The following EIF3H variants were observed in gnomAD, a reference collection of about 807,000 sequenced individuals.
EIF3H encodes the protein eIF-3-gamma.
In EIF3H, 26 loss-of-function variants were observed where a neutral mutation model predicts 44.2. The observed-to-expected ratio is 0.59, with a 90% CI of 0.43 to 0.82. EIF3H has a LOEUF of 0.82. Among genes scored for constraint, EIF3H ranks in the 40% least tolerant of loss-of-function variants. The probability of loss-of-function intolerance (pLI) is 0.00; values close to 1 mark genes in which losing one functional copy is unlikely to be tolerated. For synonymous variants in EIF3H, 166 were observed against 151.9 expected (o/e 1.09, Z -0.68); for missense variants, 359 against 432.8 (o/e 0.83, Z 1.51).
At chr8:116,684,880 A>G (rs984924237) in intron 2 of EIF3H, among the ~76,000 whole-genome samples, 7 of 152,188 alleles carry the variant, frequency 4.6e-5, no homozygotes, top group African/African-American at 1.4e-4. Flanking sequence ...CAAGAAACTC[A>G]TATCTGCTTC....
intron 1 of EIF3H, chr8:116,737,149 C>CA: frequency 2.9e-6 from 1 of 349,458 alleles, no homozygotes; most frequent in Non-Finnish European, 5.5e-6. Context: ...TATTCTATAT[C>CA]AAAAAGCATA....
At chr8:116,695,364 C>T (rs73701458) in intron 2 of EIF3H, among the ~76,000 whole-genome samples, 4,369 of 152,264 alleles carry the variant, frequency 0.029, 199 homozygotes, top group African/African-American at 0.099. Flanking sequence ...AGAGCCACCA[C>T]GCCCACTGCT....
intron 2 of EIF3H, among the ~76,000 whole-genome samples, chr8:116,679,117 A>T (rs1344986332): frequency 2.2e-3 from 25 of 11,252 alleles, no homozygotes; most frequent in African/African-American, 3.2e-3. Flanking sequence ...GGGAGGGGGG[A>T]GGGGGGGTCA....
intron 1 of EIF3H, among the ~76,000 whole-genome samples, chr8:116,738,610 T>TA (rs1475304132): frequency 6.6e-6 from 1 of 152,206 alleles, no homozygotes; most frequent in Non-Finnish European, 1.5e-5. Context: ...TGTTCAAACT[T>TA]ACTACAATAA....
At chr8:116,733,834 C>T (rs902514084) in intron 1 of EIF3H, among the ~76,000 whole-genome samples, 2 of 151,748 alleles carry the variant, frequency 1.3e-5, no homozygotes, top group Non-Finnish European at 2.9e-5. Context: ...TTTTATAAAA[C>T]AAGGTAATTT....
In EIF3H at chr8:116,648,796, C is replaced by A; in HGVS notation, c.828+10G>T. 1 of 1,559,732 alleles carries A rather than the reference C, an allele frequency of 6.4e-7. No individual in the cohort carries two copies. The highest frequency in any genetic ancestry group is 1.4e-5 in the African/African-American group (1 of 72,898). On this transcript the variant is annotated intron_variant, in intron 6 of 7. Transcript: ENST00000521861. ...AATAGCTGTTTGTTGAATTTTTCCA[C>A]AATACCAACCTGATGTTTCTGCTGC...
At position 116,642,876 on chromosome 8, in the gene EIF3H, A is replaced by G. The variant is rs1365244737; in HGVS notation, c.*2130T>C. ...CCCACTATGATTAATTCCCAAATCA[A>G]AAATTACTGAAATCTTTCATTAAGT... On this transcript the variant is annotated 3_prime_UTR_variant, in exon 8 of 8. Coordinates refer to ENST00000521861, the MANE Select transcript of EIF3H (RefSeq NM_003756.3). 1 of 152,258 alleles carries G rather than the reference A, an allele frequency of 6.6e-6. No individual in the cohort carries two copies. The highest frequency in any genetic ancestry group is 1.5e-5 in the Non-Finnish European group (1 of 68,046). 9.4% of individuals were successfully genotyped at this position (152,258 alleles called of 1,614,324 possible).
chr8:116,743,796 ATAAACACACACACACACACAC>A (rs1815178647), intron 1 of EIF3H, among the ~76,000 whole-genome samples: 3 of 98,960 alleles, frequency 3.0e-5, no homozygotes, highest in South Asian at 3.2e-4. Flanking sequence ...ATATATATAT[ATAAACACACACACACACACAC>A]ACACACACAC....
chr8:116,759,883 A>G (rs1815501306), upstream of EIF3H, among the ~76,000 whole-genome samples: 1 of 152,090 alleles, frequency 6.6e-6, no homozygotes, highest in African/African-American at 2.4e-5. Context: ...GGCACACAGC[A>G]CCACACTTGA....
intron 2 of EIF3H, among the ~76,000 whole-genome samples, chr8:116,674,901 T>A (rs902148662): frequency 9.9e-5 from 15 of 152,200 alleles, no homozygotes; most frequent in Non-Finnish European, 2.2e-4. Flanking sequence ...TGTTTTTTTT[T>A]AGATGTTTTT....
chr8:116,681,666 C>CA (rs1176033381), intron 2 of EIF3H, among the ~76,000 whole-genome samples: 19,315 of 90,480 alleles, frequency 0.21, 1,800 homozygotes, highest in East Asian at 0.48. Context: ...AACTCCATCT[C>CA]AAAAAAAAAA....
At chr8:116,670,650 G>A (rs1267024079) in intron 2 of EIF3H, among the ~76,000 whole-genome samples, 3 of 152,278 alleles carry the variant, frequency 2.0e-5, no homozygotes, top group Middle Eastern at 3.4e-3. Flanking sequence ...AGAAGAATAC[G>A]TGTTTATAAT....
chr8:116,716,859 TCTC>T (rs1814666390), intron 2 of EIF3H, among the ~76,000 whole-genome samples: 1 of 151,988 alleles, frequency 6.6e-6, no homozygotes, highest in Admixed American at 6.6e-5. Context: ...AGATTAAAAA[TCTC>T]CTCTTTACAT....
intron 1 of EIF3H, among the ~76,000 whole-genome samples, chr8:116,746,490 G>T (rs960064834): frequency 1.3e-5 from 2 of 152,178 alleles, no homozygotes; most frequent in Non-Finnish European, 2.9e-5. Flanking sequence ...AACTACTGGG[G>T]TCTTCAAGTA....
intron 2 of EIF3H, among the ~76,000 whole-genome samples, chr8:116,683,078 A>T (rs1293518695): frequency 6.6e-6 from 1 of 152,252 alleles, no homozygotes; most frequent in Non-Finnish European, 1.5e-5. Context: ...ATAAAGGCAG[A>T]TAAAGCTATA....
chr8:116,734,700 T>A (rs756872660), intron 1 of EIF3H, among the ~76,000 whole-genome samples: 1 of 152,016 alleles, frequency 6.6e-6, no homozygotes, highest in Non-Finnish European at 1.5e-5. Flanking sequence ...GAATTACAGG[T>A]GCACGCCACC....
At chr8:116,653,479 A>G (rs779557319) in intron 5 of EIF3H, among the ~76,000 whole-genome samples, 6 of 152,152 alleles carry the variant, frequency 3.9e-5, no homozygotes, top group Non-Finnish European at 8.8e-5. Context: ...CAGTTTAACT[A>G]GGATGCTGAA....
At chr8:116,657,053 A>G (rs1362904669) in intron 4 of EIF3H, among the ~76,000 whole-genome samples, 162 bp downstream of exon 4, 1 of 152,180 alleles carries the variant, frequency 6.6e-6, no homozygotes, top group African/African-American at 2.4e-5. Context: ...TAATTTAAAC[A>G]TGGAAAGGGA....
At chr8:116,699,662 G>A (rs762896795) in intron 2 of EIF3H, among the ~76,000 whole-genome samples, 6 of 152,138 alleles carry the variant, frequency 3.9e-5, no homozygotes, top group South Asian at 2.1e-4. Context: ...ATATACTCAC[G>A]TGGCAAATCT....
Sources: gnomAD v4.1 joint callset for allele counts (sites outside exome capture counted in the v4.1 genomes callset) on GRCh38, gnomAD v4.1.1 for gene constraint, MANE v1.5 for transcripts, NCBI Gene and HGNC (gene_info 2026-07-23, HGNC 2026-07-21) for gene names.